The following ATG10 variants were observed in gnomAD, a reference collection of about 807,000 sequenced individuals.
ATG10 encodes the protein ubiquitin-like-conjugating enzyme ATG10.
ATG10 carries 30 observed loss-of-function variants against 32.1 expected under a neutral mutation model. The observed-to-expected ratio is 0.94, with a 90% CI of 0.70 to 1.27. ATG10 has a LOEUF of 1.27. Ranked by LOEUF, ATG10 falls within the 50% of genes most tolerant of loss-of-function variation. ATG10 has a pLI of 0.00. For missense variants in ATG10, 233 were observed against 262.3 expected (o/e 0.89, Z 0.77); for synonymous variants, 87 against 91.5 (o/e 0.95, Z 0.28).
chr5:82,216,236 A>G (rs1745675254), intron 5 of ATG10, among the ~76,000 whole-genome samples: 1 of 152,240 alleles, frequency 6.6e-6, no homozygotes, highest in Non-Finnish European at 1.5e-5. Context: ...TCTGCTTCAG[A>G]GTAAAAAGGA....
chr5:82,224,228 G>A (rs909168554), intron 5 of ATG10, among the ~76,000 whole-genome samples: 2 of 152,178 alleles, frequency 1.3e-5, no homozygotes, highest in East Asian at 3.9e-4. Context: ...TGCTGGAAAA[G>A]TAGTTTGTGC....
chr5:82,095,626 G>C (rs1044823942), intron 3 of ATG10, among the ~76,000 whole-genome samples: 1 of 151,944 alleles, frequency 6.6e-6, no homozygotes, highest in Non-Finnish European at 1.5e-5. Context: ...AATTTTAACC[G>C]GGAGTGGTGT....
chr5:82,249,876 TAAGTGCCTATCC>T (rs1747178327), intron 5 of ATG10, among the ~76,000 whole-genome samples: 1 of 152,176 alleles, frequency 6.6e-6, no homozygotes, highest in Non-Finnish European at 1.5e-5. Context: ...CCCTGAACTG[TAAGTGCCTATCC>T]ACCTCTTAGA....
intron 7 of ATG10, among the ~76,000 whole-genome samples, chr5:82,253,760 G>A (rs1006100730): frequency 2.0e-5 from 3 of 152,186 alleles, no homozygotes; most frequent in African/African-American, 7.2e-5. Flanking sequence ...TGTGAACTGC[G>A]CATCTGAGGG....
intron 3 of ATG10, among the ~76,000 whole-genome samples, chr5:82,072,382 TGTA>T (rs1764156867): frequency 6.6e-6 from 1 of 152,118 alleles, no homozygotes; most frequent in Non-Finnish European, 1.5e-5. Context: ...GAGTGGAAGC[TGTA>T]GTGTCTAGGG....
chr5:82,224,902 A>C (rs565586081), intron 5 of ATG10, among the ~76,000 whole-genome samples: 32 of 152,346 alleles, frequency 2.1e-4, no homozygotes, highest in Admixed American at 4.6e-4. Flanking sequence ...CCTGATTTAA[A>C]AGATTGGGGT....
intron 3 of ATG10, among the ~76,000 whole-genome samples, chr5:82,128,414 A>G (rs1766370922): frequency 6.6e-6 from 1 of 151,950 alleles, no homozygotes; most frequent in Non-Finnish European, 1.5e-5. Flanking sequence ...ATGTTTTTGC[A>G]GTGGCTGGTA....
chr5:82,057,124 A>G (rs891234389), intron 2 of ATG10, among the ~76,000 whole-genome samples: 1 of 152,212 alleles, frequency 6.6e-6, no homozygotes, highest in Non-Finnish European at 1.5e-5. Context: ...GGCATCAACC[A>G]ATCAGAATGA....
intron 3 of ATG10, among the ~76,000 whole-genome samples, chr5:82,135,355 G>A (rs1766685710): frequency 6.6e-6 from 1 of 152,080 alleles, no homozygotes; most frequent in Admixed American, 6.6e-5. Flanking sequence ...TTCTTCTGTG[G>A]GCATTTTAGT....
At chr5:82,099,151 C>T (rs1408216027) in intron 3 of ATG10, among the ~76,000 whole-genome samples, 1 of 152,074 alleles carries the variant, frequency 6.6e-6, no homozygotes, top group Non-Finnish European at 1.5e-5. Context: ...AGATATTTGT[C>T]AGCCAAACTT....
chr5:82,073,403 G>A (rs1373753531), intron 3 of ATG10: 1 of 152,176 alleles, frequency 6.6e-6, no homozygotes, highest in Non-Finnish European at 1.5e-5. Flanking sequence ...GGATTTGGAA[G>A]GTAACATATG....
chr5:82,213,718 T>C (rs886357802), intron 5 of ATG10, among the ~76,000 whole-genome samples: 4 of 152,184 alleles, frequency 2.6e-5, no homozygotes, highest in African/African-American at 9.6e-5. Flanking sequence ...TCTACTAGAA[T>C]GTAGGGTGTC....
chr5:82,183,989 T>C (rs1342047368), intron 5 of ATG10, among the ~76,000 whole-genome samples: 1 of 152,218 alleles, frequency 6.6e-6, no homozygotes, highest in Non-Finnish European at 1.5e-5. Context: ...ATACAACCCA[T>C]GTGGCTTTGA....
intron 3 of ATG10, among the ~76,000 whole-genome samples, chr5:82,069,976 T>G (rs1225930744): frequency 6.6e-6 from 1 of 152,210 alleles, no homozygotes; most frequent in Non-Finnish European, 1.5e-5. Flanking sequence ...TTCCATATGG[T>G]GCCTGCGAAT....
intron 2 of ATG10, chr5:81,992,058 A>G (rs1327912945): frequency 6.6e-6 from 1 of 151,982 alleles, no homozygotes; most frequent in African/African-American, 2.4e-5. Flanking sequence ...TGGCATGATC[A>G]TGGCTCACTG....
chr5:81,987,493 C>A, intron 1 of ATG10, 66 bp from the exon 2 acceptor site: 2 of 1,200,612 alleles, frequency 1.7e-6, no homozygotes, highest in Non-Finnish European at 2.3e-6. Flanking sequence ...AGAAATAAAT[C>A]AATTGGCAGA....
intron 5 of ATG10, among the ~76,000 whole-genome samples, chr5:82,189,416 A>G (rs1744573758): frequency 6.6e-6 from 1 of 152,190 alleles, no homozygotes; most frequent in East Asian, 1.9e-4. Flanking sequence ...ACAACTATGG[A>G]AAAATAGTCT....
chr5:81,984,361 A>C (rs1407862639), intron 1 of ATG10, among the ~76,000 whole-genome samples: 8 of 152,380 alleles, frequency 5.3e-5, no homozygotes, highest in African/African-American at 1.4e-4. Context: ...GGTTGCAGTG[A>C]GCTGAGATGG....
intron 5 of ATG10, among the ~76,000 whole-genome samples, chr5:82,182,157 A>G (rs1473489581): frequency 6.6e-6 from 1 of 152,110 alleles, no homozygotes; most frequent in Non-Finnish European, 1.5e-5. Flanking sequence ...ACTTTAAGAT[A>G]TGTGTGTTTA....
Sources: allele counts gnomAD v4.1 joint callset (sites outside exome capture counted in the v4.1 genomes callset), GRCh38; gene constraint gnomAD v4.1.1; transcripts MANE v1.5; gene names NCBI Gene and HGNC (gene_info 2026-07-23, HGNC 2026-07-21).